The following FAM107B variants were observed in gnomAD, a reference collection of about 807,000 sequenced individuals.
FAM107B encodes family with sequence similarity 107 member B.
FAM107B carries 21 observed loss-of-function variants against 31.5 expected under a neutral mutation model. That is an observed-to-expected ratio of 0.67 (90% CI 0.47 to 0.96). The LOEUF is 0.96. FAM107B is among the 40% of genes least tolerant of loss of function. The pLI, the probability that FAM107B is intolerant of heterozygous loss-of-function variation, is 0.00. For synonymous variants in FAM107B, 157 were observed against 141.5 expected (o/e 1.11, Z -0.78); for missense variants, 452 against 377.1 (o/e 1.20, Z -1.64).
chr10:14,699,474 T>C (rs931435060), intron 1 of FAM107B, among the ~76,000 whole-genome samples: 4 of 152,148 alleles, frequency 2.6e-5, no homozygotes, highest in Non-Finnish European at 5.9e-5. Context: ...CCAGGAACAC[T>C]GATGCTCAAG....
intron 1 of FAM107B, among the ~76,000 whole-genome samples, chr10:14,749,664 C>G (rs1588753284): frequency 6.6e-6 from 1 of 152,204 alleles, no homozygotes. Context: ...CCAGGAGCTG[C>G]TTATTCCATA....
intron 1 of FAM107B, among the ~76,000 whole-genome samples, chr10:14,725,026 A>G (rs1048800742): frequency 6.6e-6 from 1 of 152,278 alleles, no homozygotes; most frequent in East Asian, 1.9e-4. Flanking sequence ...AAATAGAAAC[A>G]TATGATTTAG....
At chr10:14,696,157 G>T (rs1855261013) in intron 1 of FAM107B, among the ~76,000 whole-genome samples, 1 of 152,148 alleles carries the variant, frequency 6.6e-6, no homozygotes, top group Non-Finnish European at 1.5e-5. Context: ...CTTTCATTCT[G>T]TACCTAAACT....
chr10:14,661,574 A>G (rs908176165), intron 2 of FAM107B: 2 of 152,156 alleles, frequency 1.3e-5, no homozygotes, highest in African/African-American at 4.8e-5. Flanking sequence ...TTGGACTTGG[A>G]CTAGAATTTC....
At chr10:14,523,239 C>T (rs891785298) in intron 3 of FAM107B, among the ~76,000 whole-genome samples, 1 of 152,210 alleles carries the variant, frequency 6.6e-6, no homozygotes, top group African/African-American at 2.4e-5. Flanking sequence ...TTATTGTCTT[C>T]CTTAGTCACT....
At chr10:14,533,171 G>A (rs547604991) in intron 2 of FAM107B, among the ~76,000 whole-genome samples, 82 of 152,242 alleles carry the variant, frequency 5.4e-4, no homozygotes, top group African/African-American at 1.9e-3. Flanking sequence ...GGTTTAGAAC[G>A]GGCTGCAGGC....
At chr10:14,701,347 C>T (rs1032511867) in intron 1 of FAM107B, among the ~76,000 whole-genome samples, 6 of 151,990 alleles carry the variant, frequency 3.9e-5, no homozygotes, top group African/African-American at 9.7e-5. Context: ...CAGGTTCAAG[C>T]GATTCTCTAG....
At chr10:14,536,110 T>C (rs1345253606) in intron 2 of FAM107B, among the ~76,000 whole-genome samples, 1 of 152,238 alleles carries the variant, frequency 6.6e-6, no homozygotes, top group African/African-American at 2.4e-5. Flanking sequence ...TGCATATTTC[T>C]ACATCAAAGA....
intron 2 of FAM107B, among the ~76,000 whole-genome samples, chr10:14,563,352 T>C (rs1344034147): frequency 6.6e-6 from 1 of 152,228 alleles, no homozygotes; most frequent in Admixed American, 6.5e-5. Context: ...ATTTAAAATA[T>C]TTATATTTTG....
chr10:14,727,912 C>A (rs883814), intron 1 of FAM107B, among the ~76,000 whole-genome samples: 108,188 of 151,822 alleles, frequency 0.71, 39,234 homozygotes, highest in African/African-American at 0.87. Flanking sequence ...TAAAAAATAC[C>A]TCTCAACAGC....
chr10:14,626,469 C>T (rs1211568292), intron 2 of FAM107B, among the ~76,000 whole-genome samples: 1 of 149,364 alleles, frequency 6.7e-6, no homozygotes, highest in African/African-American at 2.5e-5. Context: ...CTGACTTTCA[C>T]AGAAACAAAC....
chr10:14,623,314 A>T (rs1457844671), intron 2 of FAM107B, among the ~76,000 whole-genome samples: 1 of 152,246 alleles, frequency 6.6e-6, no homozygotes, highest in Non-Finnish European at 1.5e-5. Flanking sequence ...CACCTGCAAA[A>T]GTCCAGCAGG....
chr10:14,540,138 GA>G lies in FAM107B; in HGVS notation c.470-9624del, dbSNP rs531974194. 1.1e-3 allele frequency among the ~76,000 whole-genome samples: 164 copies of G among 152,298 alleles called. 1 individual carries two copies. The highest frequency in any genetic ancestry group is 3.5e-3 in the African/African-American group (146 of 41,580). ...GTTTATCAACCAAAGAGGTGCATTT[GA>G]GCTTATTCCTAGGGCAATGGCTGGG... is the stretch of plus-strand genomic sequence containing the variant. On this transcript the variant is annotated intron_variant, in intron 2 of 4. Coordinates refer to ENST00000181796, the MANE Select transcript of FAM107B (RefSeq NM_031453.4).
At chr10:14,595,101 G>A (rs913132889) in intron 2 of FAM107B, among the ~76,000 whole-genome samples, 2 of 152,102 alleles carry the variant, frequency 1.3e-5, no homozygotes, top group Admixed American at 1.3e-4. Context: ...CTAAGACTGG[G>A]GGTGGGAGGG....
intron 1 of FAM107B, among the ~76,000 whole-genome samples, chr10:14,714,061 AAAAACT>A (rs1341467513): frequency 6.6e-6 from 1 of 152,210 alleles, no homozygotes; most frequent in African/African-American, 2.4e-5. Flanking sequence ...TGAGGATAAA[AAAAACT>A]GCCTATCGGG....
At chr10:14,621,567 G>A (rs993243404) in intron 2 of FAM107B, among the ~76,000 whole-genome samples, 4 of 151,614 alleles carry the variant, frequency 2.6e-5, no homozygotes, top group Non-Finnish European at 4.4e-5. Context: ...AGGAATTAAA[G>A]AATATAAAAA....
chr10:14,583,581 G>A (rs369786754), intron 2 of FAM107B, among the ~76,000 whole-genome samples: 158 of 152,178 alleles, frequency 1.0e-3, no homozygotes, highest in African/African-American at 3.5e-3. Flanking sequence ...AAAAGTGGTC[G>A]CGGAAGTTGT....
chr10:14,747,747 C>A (rs60177935), intron 1 of FAM107B, among the ~76,000 whole-genome samples: 9,801 of 152,234 alleles, frequency 0.064, 866 homozygotes, highest in African/African-American at 0.19. Context: ...ATCTGGCAAC[C>A]CCTGTTGGGG....
intron 2 of FAM107B, among the ~76,000 whole-genome samples, chr10:14,629,384 T>C (rs186318706): frequency 1.5e-5 from 1 of 66,450 alleles, no homozygotes; most frequent in African/African-American, 6.7e-5. Context: ...ATATATATAA[T>C]ATATATAATA....
Sources: gnomAD v4.1 joint callset for allele counts (sites outside exome capture counted in the v4.1 genomes callset) on GRCh38, gnomAD v4.1.1 for gene constraint, MANE v1.5 for transcripts, NCBI Gene and HGNC (gene_info 2026-07-23, HGNC 2026-07-21) for gene names.